Variants in SLC12A4 observed in about 807,000 individuals in gnomAD.
SLC12A4 encodes the protein electroneutral potassium-chloride cotransporter 1.
In SLC12A4, 84 loss-of-function variants were observed where a neutral mutation model predicts 119.2. The observed-to-expected ratio is 0.70, with a 90% CI of 0.59 to 0.85. The LOEUF (loss-of-function observed/expected upper bound fraction) is 0.85, where lower values mean the gene tolerates loss of function less well. Ranked by LOEUF, SLC12A4 falls within the 40% of genes least tolerant of loss-of-function variation. SLC12A4 has a pLI of 0.00. For missense variants in SLC12A4, 1,298 were observed against 1,476.3 expected (o/e 0.88, Z 1.98); for synonymous variants, 599 against 604.6 (o/e 0.99, Z 0.14).
rs2058318944 is a variant in SLC12A4, at chr16:67,944,551, T to A, written c.*289A>T. ...CGCTCCTGGGCTGGGCCGGGCCGGC[T>A]GCCTTCAAACCCCACTCGGCCCCTA... On this transcript the variant is annotated 3_prime_UTR_variant, in exon 24 of 24. Coordinates refer to ENST00000316341, the MANE Select transcript of SLC12A4 (RefSeq NM_005072.5). This position sits in a 1 kb window ranked among gnomAD's most constrained non-coding sequence, Gnocchi z 6.6. The A allele has an allele frequency of 1.5e-6, 2 of 1,299,092 alleles. No homozygotes were observed. Among genetic ancestry groups the A allele is most frequent in the African/African-American group, 1.5e-5 (1 of 67,568 alleles). The allele number at this position is 1,299,092 out of a possible 1,614,324, so 80.5% of individuals were successfully genotyped here.
In SLC12A4 at chr16:67,951,848, G is replaced by A. The variant is rs947751327; in HGVS notation, c.1107C>T (p.Pro369=). The change falls in exon 8 of 24, where the codon CCC becomes CCT. Residue 369 remains proline, a synonymous_variant. Coordinates refer to ENST00000316341, the MANE Select transcript of SLC12A4 (RefSeq NM_005072.5). The surrounding 1 kb of genome is among the most constrained non-coding windows in gnomAD (Gnocchi z 5.2). Reference sequence around the variant, plus strand: ...CCTGGAGCACACCAGCAGCTGCCCCGGGGATGCCAGGGATCTCGGTCACAT... The same window carrying A: ...CCTGGAGCACACCAGCAGCTGCCCCAGGGATGCCAGGGATCTCGGTCACAT... The part of the protein sequence containing the change: ...LNNVTEIPGI[P]GAAAGVLQEN... The A allele has an allele frequency of 1.1e-5, 18 of 1,613,352 alleles. No homozygotes were observed. The highest frequency in any genetic ancestry group is 8.9e-5 in the East Asian group (4 of 44,868).
chr16:67,947,783 A>G lies in SLC12A4; in HGVS notation c.1853T>C (p.Leu618Pro). ...GCAGAGACTCATGCCCAGGAAGGAC[A>G]GCGCCCTGGACGAGAGGGGAGGGCA... ...RPRFKYYHWA[L>P]SFLGMSLCLA... Residue 618 changes from leucine to proline, a missense_variant, in exon 15 of 24, where the codon CTG becomes CCG. Physicochemically the swap from Leu to Pro is moderately conservative, Grantham distance 98. Transcript: ENST00000316341. 1 of 1,591,618 alleles carries G rather than the reference A, an allele frequency of 6.3e-7. No individual in the cohort carries two copies. The highest frequency in any genetic ancestry group is 1.1e-5 in the South Asian group (1 of 88,148).
chr16:67,951,336 GC>G lies in SLC12A4; in HGVS notation c.1133-33del, dbSNP rs1167182766. 1.3e-6 allele frequency: 2 copies of G among 1,597,704 alleles called. No individual in the cohort carries two copies. The highest frequency in any genetic ancestry group is 2.2e-5 in the East Asian group (1 of 44,686). On this transcript the variant is annotated intron_variant, in intron 8 of 23. Transcript: ENST00000316341. The surrounding 1 kb of genome is among the most constrained non-coding windows in gnomAD (Gnocchi z 5.2). ...GGGTAGCTGTGTCACCACCACAGCT[GC>G]CCCCCACTACCCCAGGTAGTTTGGG...
chr16:67,952,113 T>C, intron 7 of SLC12A4, 71 bp downstream of exon 7: 1 of 1,609,768 alleles, frequency 6.2e-7, no homozygotes, highest in South Asian at 1.1e-5. Flanking sequence ...CTCTGGGATC[T>C]GGGGCATCAA....
intron 22 of SLC12A4, 27 bp downstream of exon 22, chr16:67,945,342 C>T (rs372780210): frequency 5.7e-5 from 91 of 1,600,116 alleles, no homozygotes; most frequent in Admixed American, 4.5e-4. Flanking sequence ...ATTCCAGTGC[C>T]GCTGGGGCTG....
chr16:67,947,430 T>TC lies in SLC12A4; in HGVS notation c.1972dup (p.Glu658GlyfsTer6). ...TCGGATCCCGTCACCCCACTCCTTC[T>TC]CAGCCCTGCAGATTCCACCACAGCT... On this transcript the variant is annotated frameshift_variant, in exon 16 of 24. Transcript: ENST00000316341. LOFTEE classifies it high-confidence loss of function. The TC allele has an allele frequency of 6.2e-7, 1 of 1,612,094 alleles. No individual in the cohort carries two copies. The highest frequency in any genetic ancestry group is 8.5e-7 in the Non-Finnish European group (1 of 1,179,622).
intron 6 of SLC12A4, chr16:67,954,092 G>A (rs1045931219): frequency 1.3e-5 from 5 of 371,766 alleles, no homozygotes; most frequent in African/African-American, 2.2e-5. Context: ...CATGCCTCCC[G>A]CAGCTCCTTG....
At chr16:67,963,591 T>A (rs767568933) in intron 1 of SLC12A4, 32 bp from the exon 2 acceptor site, 2 of 1,478,356 alleles carry the variant, frequency 1.4e-6, no homozygotes, top group South Asian at 2.6e-5. Context: ...CAGGGCCTGC[T>A]TCCTGAGCCC....
intron 5 of SLC12A4, among the ~76,000 whole-genome samples, chr16:67,955,803 T>C (rs952726317): frequency 7.3e-5 from 11 of 151,100 alleles, no homozygotes; most frequent in African/African-American, 2.7e-4. Context: ...CGTTTGAACC[T>C]GGGAGGCAGA....
rs899826825 is a variant in SLC12A4, at chr16:67,951,984, G to T, written c.971C>A (p.Ala324Asp). 4 of 1,614,078 alleles carry T rather than the reference G, an allele frequency of 2.5e-6. No individual in the cohort carries two copies. The South Asian group carries it at 4.4e-5, about 18-fold the overall frequency. Reference protein sequence around the residue: ...TLSRDQFDICAKTAVVDNETV... With the variant: ...TLSRDQFDICDKTAVVDNETV... ...CTCATTGTCCACTACAGCTGTCTTG[G>T]CACAGATGTCAAACTGGTCCCGGGA... is the stretch of plus-strand genomic sequence containing the variant. The change falls in exon 8 of 24, where the codon GCC (alanine) becomes GAC (aspartate). Residue 324 changes from alanine (A) to aspartate (D), a missense_variant. By Grantham distance (126) the Ala-to-Asp change is moderately radical. Transcript: ENST00000316341. This position sits in a 1 kb window ranked among gnomAD's most constrained non-coding sequence, Gnocchi z 5.2.
rs1029738612 is a variant in SLC12A4 at position 67,944,695 on chromosome 16, A to G, written c.*145T>C. ...ATTTTGAGGCCCAGGCCTGGTTTCCAAGGAGACCTAGCAAAGCTGGGTCCA... is the reference window on the plus strand; with the variant it reads ...ATTTTGAGGCCCAGGCCTGGTTTCCGAGGAGACCTAGCAAAGCTGGGTCCA... On this transcript the variant is annotated 3_prime_UTR_variant, in exon 24 of 24. Coordinates refer to ENST00000316341, the MANE Select transcript of SLC12A4 (RefSeq NM_005072.5). This position sits in a 1 kb window ranked among gnomAD's most constrained non-coding sequence, Gnocchi z 6.6. The G allele has an allele frequency of 5.2e-5, 75 of 1,435,720 alleles. No homozygotes were observed. Among genetic ancestry groups the G allele is most frequent in the Non-Finnish European group, 6.8e-5 (75 of 1,098,118 alleles). 88.9% of individuals were successfully genotyped at this position (1,435,720 alleles called of 1,614,324 possible).
chr16:67,957,832 G>T, intron 4 of SLC12A4, 36 bp from the exon 5 acceptor site: 1 of 1,614,150 alleles, frequency 6.2e-7, no homozygotes, highest in Non-Finnish European at 8.5e-7. Context: ...CGGCTCAGCT[G>T]GGTGGGCTCT....
chr16:67,947,523 CAA>C, intron 15 of SLC12A4, 88 bp from the exon 16 acceptor site: 4 of 1,506,360 alleles, frequency 2.7e-6, no homozygotes, highest in Non-Finnish European at 3.6e-6. Context: ...TTCTGCCCCT[CAA>C]GACCACCCAG....
chr16:67,965,703 T>C (rs2030836994), intron 1 of SLC12A4, among the ~76,000 whole-genome samples: 1 of 152,220 alleles, frequency 6.6e-6, no homozygotes, highest in Admixed American at 6.5e-5. Flanking sequence ...TCCCCACAAA[T>C]GCCTGTAAAT....
In SLC12A4 at chr16:67,964,069, C is replaced by CG. The variant is rs549535142; in HGVS notation, c.116-511dup. 1.6e-3 allele frequency: 2,425 copies of CG among 1,541,308 alleles called. 35 individuals carry two copies. The African/African-American group carries it at 0.028, about 18-fold the overall frequency. ...GCTGGCTACCCCACCATGCACTGCGCGGGGGGCGTCCTGCAGGGCAGCCCG... is the reference window on the plus strand; with the variant it reads ...GCTGGCTACCCCACCATGCACTGCGCGGGGGGGCGTCCTGCAGGGCAGCCCG... On this transcript the variant is annotated intron_variant, in intron 1 of 23. Transcript: ENST00000316341.
chr16:67,944,141 G>A lies in SLC12A4; in HGVS notation c.*699C>T. On this transcript the variant is annotated 3_prime_UTR_variant, in exon 24 of 24. Coordinates refer to ENST00000316341, the MANE Select transcript of SLC12A4 (RefSeq NM_005072.5). The surrounding 1 kb of genome is among the most constrained non-coding windows in gnomAD (Gnocchi z 6.6). Reference sequence around the variant, plus strand: ...CTACTGCCAGAGAAAGCGGCACTGGGCTGTCCTTATCTGGTGTGGGAGTGG... The same window carrying A: ...CTACTGCCAGAGAAAGCGGCACTGGACTGTCCTTATCTGGTGTGGGAGTGG... The A allele has an allele frequency of 5.2e-6, 8 of 1,541,598 alleles. No individual in the cohort carries two copies. The highest frequency in any genetic ancestry group is 7.0e-6 in the Non-Finnish European group (8 of 1,141,680).
At position 67,950,526 on chromosome 16, in the gene SLC12A4, G is replaced by T; in HGVS notation, c.1455-33C>A. The T allele has an allele frequency of 3.7e-6, 6 of 1,612,858 alleles. No individual in the cohort carries two copies. Among genetic ancestry groups the T allele is most frequent in the Non-Finnish European group, 5.1e-6 (6 of 1,179,252 alleles). ...GGCCACCAGAGTGAGGGATGTCAGG[G>T]GTCCGGAAGGATGGCACAGACCACC... is the stretch of plus-strand genomic sequence containing the variant. On this transcript the variant is annotated intron_variant, in intron 11 of 23. Coordinates refer to ENST00000316341, the MANE Select transcript of SLC12A4 (RefSeq NM_005072.5). The surrounding 1 kb of genome is among the most constrained non-coding windows in gnomAD (Gnocchi z 4.3).
chr16:67,955,126 T>C (rs1362114205), intron 5 of SLC12A4, among the ~76,000 whole-genome samples: 1 of 152,204 alleles, frequency 6.6e-6, no homozygotes, highest in African/African-American at 2.4e-5. Context: ...CACCTCACCC[T>C]CCTGAGGCCT....
chr16:67,952,989 TCG>T (rs2030021076), intron 6 of SLC12A4, among the ~76,000 whole-genome samples: 1 of 150,420 alleles, frequency 6.6e-6, no homozygotes. Context: ...TCCCAGCTAC[TCG>T]GGAGGCTGAG....
Sources: gnomAD v4.1 joint callset for allele counts (sites outside exome capture counted in the v4.1 genomes callset) on GRCh38, gnomAD v4.1.1 for gene constraint, Gnocchi (gnomAD v3.1) non-coding constraint, MANE v1.5 for transcripts, NCBI Gene and HGNC (gene_info 2026-07-23, HGNC 2026-07-21) for gene names.